Variants in SFI1 observed in about 807,000 individuals in gnomAD.
SFI1 encodes SFI1 centrin binding protein, also known as protein SFI1 homolog.
In SFI1, 195 loss-of-function variants were observed where a neutral mutation model predicts 207.5. The observed-to-expected ratio is 0.94, with a 90% CI of 0.84 to 1.06. SFI1 has a LOEUF of 1.06. SFI1 is among the 50% of genes least tolerant of loss of function. The probability of loss-of-function intolerance (pLI) is 0.00; values close to 1 mark genes in which losing one functional copy is unlikely to be tolerated. For missense variants in SFI1, 1,634 were observed against 1,588.0 expected, an observed-to-expected ratio of 1.03 and a Z score of -0.49; for synonymous variants, 630 against 598.9, an observed-to-expected ratio of 1.05 and a Z score of -0.76.
At chr22:31,616,622 C>T (rs1270691667) in intron 29 of SFI1, 123 bp from the exon 30 acceptor site, 11 of 1,089,220 alleles carry the variant, frequency 1.0e-5, no homozygotes, top group Non-Finnish European at 6.5e-6. Flanking sequence ...AGCCCAGCTC[C>T]TGCAGCTGGG....
Position 31,508,232 on chromosome 22 carries a change from TTTTTA to T in SFI1, c.-30-20_-30-16del. On this transcript the variant is annotated intron_variant, in intron 1 of 32. Transcript: ENST00000400288. ...AGAGGCTGCAAATCATTTTCTCTCTTTTTTATTCTCTTTTTCTTGTAGTTAGAAGG... is the reference window on the plus strand; with the variant it reads ...AGAGGCTGCAAATCATTTTCTCTCTTTTCTCTTTTTCTTGTAGTTAGAAGG... 1 of 1,384,368 alleles carries T rather than the reference TTTTTA, an allele frequency of 7.2e-7. No homozygotes were observed. The highest frequency in any genetic ancestry group is 1.0e-6 in the Non-Finnish European group (1 of 971,736). 85.8% of individuals were successfully genotyped at this position (1,384,368 alleles called of 1,614,324 possible).
chr22:31,580,078 T>G, intron 11 of SFI1, 194 bp from the exon 12 acceptor site: 1 of 547,674 alleles, frequency 1.8e-6, no homozygotes, highest in East Asian at 3.2e-5. Flanking sequence ...GTGCCTGCTG[T>G]GCAGGCTGGC....
chr22:31,526,814 C>T (rs1021595320), intron 2 of SFI1, among the ~76,000 whole-genome samples: 4 of 152,168 alleles, frequency 2.6e-5, no homozygotes, highest in Admixed American at 2.6e-4. Flanking sequence ...CCGCCTGCCT[C>T]AGCCTCTCAA....
intron 4 of SFI1, among the ~76,000 whole-genome samples, chr22:31,531,349 A>T (rs2058502018): frequency 1.3e-5 from 2 of 152,180 alleles, no homozygotes; most frequent in Admixed American, 1.3e-4. Flanking sequence ...AATGTTATCT[A>T]CAAAGTAGCC....
chr22:31,589,311 A>G, intron 14 of SFI1, 136 bp from the exon 15 acceptor site: 1 of 953,988 alleles, frequency 1.0e-6, no homozygotes, highest in Non-Finnish European at 1.5e-6. Context: ...ATATTGGCAA[A>G]GATAATAAAT....
chr22:31,561,463 T>G (rs2061692343), intron 8 of SFI1, 71 bp downstream of exon 8: 4 of 1,327,704 alleles, frequency 3.0e-6, no homozygotes, highest in Non-Finnish European at 4.2e-6. Context: ...CAGAGGGCAG[T>G]GCTGGGCCTT....
At chr22:31,528,249 A>G (rs1378971203) in intron 2 of SFI1, among the ~76,000 whole-genome samples, 1 of 151,864 alleles carries the variant, frequency 6.6e-6, no homozygotes, top group East Asian at 1.9e-4. Flanking sequence ...GTGAGACCTC[A>G]TCTCTTAAAA....
intron 19 of SFI1, 27 bp downstream of exon 19, chr22:31,604,431 C>A: frequency 6.8e-7 from 1 of 1,480,146 alleles, no homozygotes; most frequent in South Asian, 1.3e-5. Flanking sequence ...CCCTCCTGAT[C>A]TTGCTGTGGG....
At chr22:31,514,210 AT>A (rs2056123221) in intron 2 of SFI1, among the ~76,000 whole-genome samples, 1 of 151,072 alleles carries the variant, frequency 6.6e-6, no homozygotes, top group East Asian at 2.0e-4. Context: ...TTCAATAGAT[AT>A]TAAAAATCAA....
intron 4 of SFI1, among the ~76,000 whole-genome samples, chr22:31,538,033 G>A (rs1187784169): frequency 6.6e-6 from 1 of 152,258 alleles, no homozygotes; most frequent in East Asian, 1.9e-4. Flanking sequence ...GTGCAGTGAC[G>A]CGATCTTGGC....
At chr22:31,563,978 A>G (rs947891198) in intron 8 of SFI1, among the ~76,000 whole-genome samples, 1 of 152,136 alleles carries the variant, frequency 6.6e-6, no homozygotes, top group African/African-American at 2.4e-5. Flanking sequence ...AAAATTTAAA[A>G]TTAAATTTGG....
chr22:31,603,732 A>G lies in SFI1; in HGVS notation c.1806-12A>G, dbSNP rs2147043431. ...GGGGGCTGCAGCACTGAGCTCTGCC[A>G]TCTCCCCACAGGAGGACGGGCAGGG... On this transcript the variant is annotated splice_polypyrimidine_tract_variant and intron_variant, in intron 17 of 32. Transcript: ENST00000400288. 1 of 1,524,226 alleles carries G rather than the reference A, an allele frequency of 6.6e-7. No homozygotes were observed. The highest frequency in any genetic ancestry group is 1.5e-5 in the African/African-American group (1 of 68,642). The allele number at this position is 1,524,226 out of a possible 1,614,324, so 94.4% of individuals were successfully genotyped here.
Position 31,557,047 on chromosome 22 carries a change from G to T in SFI1, c.650G>T (p.Arg217Leu). Residue 217 changes from arginine (R) to leucine (L), a missense_variant, in exon 7 of 33, where the codon CGG (arginine) becomes CTG (leucine). By Grantham distance (102) the Arg-to-Leu change is moderately radical (BLOSUM62 -2). Coordinates refer to ENST00000400288, the MANE Select transcript of SFI1 (RefSeq NM_001007467.3). ...ACTACAGCTCTGGAGTTTAGGCAACGGATTATCTTACGGTGAGTCTGCTCA... is the reference window on the plus strand; with the variant it reads ...ACTACAGCTCTGGAGTTTAGGCAACTGATTATCTTACGGTGAGTCTGCTCA... ...MQTTALEFRQ[R>L]IILRVWWSTW... 6.2e-7 allele frequency: 1 copy of T among 1,604,082 alleles called. No individual in the cohort carries two copies. The highest frequency in any genetic ancestry group is 8.5e-7 in the Non-Finnish European group (1 of 1,173,726).
chr22:31,535,362 G>A (rs1026249000), intron 4 of SFI1, among the ~76,000 whole-genome samples: 1 of 150,700 alleles, frequency 6.6e-6, no homozygotes, highest in African/African-American at 2.4e-5. Context: ...GCTAGTTTTT[G>A]TATTTTTAGT....
rs767328341 is a variant in SFI1 at position 31,602,267 on chromosome 22, C to T, written c.1600C>T (p.Arg534Ter). The T allele has an allele frequency of 8.7e-6, 14 of 1,613,898 alleles. No homozygotes were observed. Among genetic ancestry groups the T allele is most frequent in the East Asian group, 6.7e-5 (3 of 44,892 alleles). Residue 534 changes from arginine (R) to a stop codon, truncating the protein, a stop_gained, in exon 16 of 33, where the codon CGA becomes TGA. Transcript: ENST00000400288. LOFTEE classifies it high-confidence loss of function. ...SLWRQKMFQH[R>*]ENRLAERMAI... ...CTGGAGGCAGAAGATGTTTCAGCAT[C>T]GAGAAAACCGCCTGGCAGAGAGAAT...
chr22:31,500,232 T>G (rs1289985802), intron 1 of SFI1, among the ~76,000 whole-genome samples: 1 of 146,210 alleles, frequency 6.8e-6, no homozygotes, highest in East Asian at 2.0e-4. Flanking sequence ...GGAGAATCGC[T>G]TGAACCCGGG....
At chr22:31,591,822 A>G (rs1211273943) in intron 15 of SFI1, among the ~76,000 whole-genome samples, 4 of 72,078 alleles carry the variant, frequency 5.5e-5, no homozygotes, top group Admixed American at 1.3e-4. Flanking sequence ...GGCCGGGCAG[A>G]GGGGCTCCTC....
intron 4 of SFI1, among the ~76,000 whole-genome samples, chr22:31,544,934 C>G (rs1234353090): frequency 3.3e-5 from 5 of 152,112 alleles, no homozygotes; most frequent in Non-Finnish European, 7.3e-5. Flanking sequence ...AGGTCTTGCT[C>G]TGTTGCACAG....
In SFI1 at chr22:31,568,163, A is replaced by G. The variant is rs60614175; in HGVS notation, c.766-4895A>G. Among the ~76,000 whole-genome samples the G allele has an allele frequency of 9.6e-3, 1,110 of 115,736 alleles. 5 individuals carry two copies. Among genetic ancestry groups the G allele is most frequent in the African/African-American group, 0.013 (335 of 24,984 alleles). 75.9% of individuals were successfully genotyped at this position (115,736 alleles called of 152,430 possible). On this transcript the variant is annotated intron_variant, in intron 8 of 32. Transcript: ENST00000400288. ...ATGGACTCTCTCTCTCTCTATATAT[A>G]TATGTGTGTGTGTGTGTGTGTGTGT...
Sources: allele counts gnomAD v4.1 joint callset (sites outside exome capture counted in the v4.1 genomes callset), GRCh38; gene constraint gnomAD v4.1.1; transcripts MANE v1.5; gene names NCBI Gene and HGNC (gene_info 2026-07-23, HGNC 2026-07-21).